CCDC60: variants seen among roughly 807,000 people sequenced by gnomAD.
CCDC60 encodes the protein coiled-coil domain containing 60.
A neutral mutation model predicts 63.5 loss-of-function variants in CCDC60; 54 were observed. The ratio of observed to expected loss-of-function variants is 0.85; its 90% CI spans 0.68 to 1.07. The LOEUF (loss-of-function observed/expected upper bound fraction) is 1.07, where lower values mean the gene tolerates loss of function less well. Ranked by LOEUF, CCDC60 falls within the 50% of genes least tolerant of loss-of-function variation. The pLI is 0.00. For synonymous variants in CCDC60, 206 were observed against 238.8 expected (o/e 0.86, Z 1.27); for missense variants, 651 against 684.3 (o/e 0.95, Z 0.54).
At chr12:119,343,682 A>ATATG (rs1214289021) in intron 1 of CCDC60, among the ~76,000 whole-genome samples, 1 of 134,844 alleles carries the variant, frequency 7.4e-6, no homozygotes, top group Admixed American at 7.4e-5. Flanking sequence ...ATATATATAT[A>ATATG]TATGTATATA....
intron 4 of CCDC60, among the ~76,000 whole-genome samples, chr12:119,488,022 T>C (rs940837998): frequency 1.3e-5 from 2 of 152,094 alleles, no homozygotes; most frequent in African/African-American, 2.4e-5. Context: ...TTGTATTTTT[T>C]GTAGGCTAGT....
At chr12:119,405,202 C>T (rs1017732746) in intron 1 of CCDC60, among the ~76,000 whole-genome samples, 1 of 152,334 alleles carries the variant, frequency 6.6e-6, no homozygotes, top group East Asian at 1.9e-4. Context: ...AGGTGTTTTG[C>T]TTTTCAAACA....
chr12:119,368,699 G>C (rs1439048444), intron 1 of CCDC60, among the ~76,000 whole-genome samples: 2 of 152,188 alleles, frequency 1.3e-5, no homozygotes, highest in Non-Finnish European at 2.9e-5. Context: ...TTGCAGTGCA[G>C]CTATTTCCAT....
chr12:119,469,154 A>G (rs987764402), intron 2 of CCDC60, among the ~76,000 whole-genome samples: 1 of 152,192 alleles, frequency 6.6e-6, no homozygotes, highest in African/African-American at 2.4e-5. Flanking sequence ...TGTCCTGTGG[A>G]ACATTTCTTA....
intron 7 of CCDC60, among the ~76,000 whole-genome samples, chr12:119,507,579 CACATATAT>C (rs1952069935): frequency 3.2e-5 from 1 of 31,022 alleles, no homozygotes; most frequent in Non-Finnish European, 4.7e-5. Context: ...TGTATATATA[CACATATAT>C]ATACATATAT....
intron 1 of CCDC60, among the ~76,000 whole-genome samples, chr12:119,417,729 A>G (rs1266385692): frequency 6.6e-6 from 1 of 152,168 alleles, no homozygotes; most frequent in East Asian, 1.9e-4. Flanking sequence ...AAACAAACAA[A>G]TCAACCAAAA....
chr12:119,462,090 C>T (rs1388883165), intron 2 of CCDC60, among the ~76,000 whole-genome samples: 1 of 152,168 alleles, frequency 6.6e-6, no homozygotes, highest in Non-Finnish European at 1.5e-5. Flanking sequence ...ACTGCCTTGC[C>T]TGAAGAGGGG....
intron 2 of CCDC60, among the ~76,000 whole-genome samples, chr12:119,454,433 C>T (rs1950689067): frequency 6.6e-6 from 1 of 152,150 alleles, no homozygotes; most frequent in African/African-American, 2.4e-5. Context: ...CCTCCTGTCC[C>T]AGCCCTCATT....
intron 1 of CCDC60, among the ~76,000 whole-genome samples, chr12:119,343,303 T>A (rs1850439549): frequency 6.6e-6 from 1 of 152,176 alleles, no homozygotes; most frequent in Non-Finnish European, 1.5e-5. Context: ...ATTAGCCGCG[T>A]CTGGCAATCG....
At chr12:119,507,571 TATATATACACATATATATACATATATATA>T (rs1952062295) in intron 7 of CCDC60, among the ~76,000 whole-genome samples, 1 of 37,012 alleles carries the variant, frequency 2.7e-5, no homozygotes, top group African/African-American at 2.2e-4. Context: ...TATATATATG[TATATATACACATATATATACATATATATA>T]TATATATATA....
intron 4 of CCDC60, among the ~76,000 whole-genome samples, chr12:119,483,223 C>G (rs1470611876): frequency 6.6e-6 from 1 of 152,188 alleles, no homozygotes; most frequent in Non-Finnish European, 1.5e-5. Context: ...AGAGGGATGG[C>G]ATTGTTGTCA....
chr12:119,408,855 C>T (rs910872683), intron 1 of CCDC60, among the ~76,000 whole-genome samples: 3 of 151,974 alleles, frequency 2.0e-5, no homozygotes, highest in Non-Finnish European at 2.9e-5. Flanking sequence ...TAGCAATAAC[C>T]GCAATGACAT....
At chr12:119,380,541 C>A (rs923774541) in intron 1 of CCDC60, among the ~76,000 whole-genome samples, 3 of 152,336 alleles carry the variant, frequency 2.0e-5, no homozygotes, top group East Asian at 1.9e-4. Context: ...TGCTAGAATT[C>A]TTCTCCCAGG....
chr12:119,407,232 C>G (rs1956509814), intron 1 of CCDC60, among the ~76,000 whole-genome samples: 1 of 152,036 alleles, frequency 6.6e-6, no homozygotes, highest in Non-Finnish European at 1.5e-5. Context: ...TCTGGCCAGG[C>G]ACTGTGGCTC....
chr12:119,384,013 G>A (rs1156704381), intron 1 of CCDC60, among the ~76,000 whole-genome samples: 11 of 151,964 alleles, frequency 7.2e-5, no homozygotes, highest in Non-Finnish European at 5.9e-5. Context: ...TGGCTAACAC[G>A]GTGAAACCCC....
chr12:119,451,825 G>C (rs1026221858), intron 2 of CCDC60, among the ~76,000 whole-genome samples: 1 of 152,184 alleles, frequency 6.6e-6, no homozygotes, highest in Admixed American at 6.5e-5. Context: ...ATTTAGATTA[G>C]ATAAATACTT....
At chr12:119,535,032 G>C (rs1952963504) in intron 13 of CCDC60, among the ~76,000 whole-genome samples, 1 of 152,150 alleles carries the variant, frequency 6.6e-6, no homozygotes, top group African/African-American at 2.4e-5. Context: ...ATTTGGCTGT[G>C]AATCCGTATG....
In CCDC60 at chr12:119,361,528, A is replaced by G. The variant is rs78594606; in HGVS notation, c.90+26262A>G. On this transcript the variant is annotated intron_variant, in intron 1 of 13. Coordinates refer to ENST00000327554, the MANE Select transcript of CCDC60 (RefSeq NM_178499.5). ...TTAGGAACAGCAGGGAAAAAAAAAT[A>G]AGCTTCTCTTTCTGTAAAGAAACAT... 8.1e-3 allele frequency among the ~76,000 whole-genome samples: 1,227 copies of G among 152,276 alleles called. 15 individuals carry two copies. The highest frequency in any genetic ancestry group is 0.028 in the African/African-American group (1,167 of 41,550).
chr12:119,506,405 T>G (rs1208619446), intron 7 of CCDC60, among the ~76,000 whole-genome samples: 2 of 132,302 alleles, frequency 1.5e-5, no homozygotes, highest in African/African-American at 5.9e-5. Context: ...GAGTTTGAGA[T>G]CAGCTTGGGC....
Sources: gnomAD v4.1 joint callset for allele counts (sites outside exome capture counted in the v4.1 genomes callset) on GRCh38, gnomAD v4.1.1 for gene constraint, MANE v1.5 for transcripts, NCBI Gene and HGNC (gene_info 2026-07-23, HGNC 2026-07-21) for gene names.